Variants in LPA observed in about 807,000 individuals in gnomAD.
The protein encoded by LPA is lipoprotein(a).
In LPA, 199 loss-of-function variants were observed where a neutral mutation model predicts 197.9. The ratio of observed to expected loss-of-function variants is 1.01; its 90% CI spans 0.90 to 1.13. The LOEUF is 1.13. Ranked by LOEUF, LPA falls within the 50% of genes most tolerant of loss-of-function variation. The probability of loss-of-function intolerance (pLI) is 0.00; values close to 1 mark genes in which losing one functional copy is unlikely to be tolerated. For synonymous variants in LPA, 715 were observed against 639.5 expected, an observed-to-expected ratio of 1.12 and a Z score of -1.78; for missense variants, 1,853 against 1,785.8, an observed-to-expected ratio of 1.04 and a Z score of -0.68.
At chr6:160,659,227 G>A (rs1780181801) in intron 1 of LPA, among the ~76,000 whole-genome samples, 1 of 152,192 alleles carries the variant, frequency 6.6e-6, no homozygotes, top group Non-Finnish European at 1.5e-5. Flanking sequence ...AGCAGGGGCA[G>A]GGGCCTCAGG....
chr6:160,611,527 C>T (rs777587946), intron 16 of LPA, 35 bp downstream of exon 16: 3 of 1,606,688 alleles, frequency 1.9e-6, no homozygotes, highest in African/African-American at 2.7e-5. Flanking sequence ...TTCAGTTGGC[C>T]CTTTATTCTC....
chr6:160,610,045 A>G (rs1779456522), intron 16 of LPA, among the ~76,000 whole-genome samples: 1 of 152,116 alleles, frequency 6.6e-6, no homozygotes, highest in African/African-American at 2.4e-5. Context: ...TTTTTTAAAT[A>G]TCTGAAATCA....
intron 26 of LPA, among the ~76,000 whole-genome samples, chr6:160,581,575 T>C (rs1778802494): frequency 6.6e-6 from 1 of 152,196 alleles, no homozygotes; most frequent in Non-Finnish European, 1.5e-5. Flanking sequence ...GTGTTAGGAT[T>C]ACAGCCAAGC....
At chr6:160,545,026 G>A (rs991994616) in intron 33 of LPA, among the ~76,000 whole-genome samples, 3 of 152,152 alleles carry the variant, frequency 2.0e-5, no homozygotes, top group African/African-American at 7.2e-5. Flanking sequence ...TGCATTACAT[G>A]CTTAGCTGTT....
intron 16 of LPA, among the ~76,000 whole-genome samples, chr6:160,608,594 T>C (rs1326179695): frequency 6.6e-6 from 1 of 152,162 alleles, no homozygotes; most frequent in Non-Finnish European, 1.5e-5. Context: ...TTTTTCTTTT[T>C]TTCGAAACGC....
rs755513978 is a variant in LPA, at chr6:160,557,561, C to T, written c.4642G>A (p.Glu1548Lys). Residue 1548 changes from glutamate to lysine, a missense_variant, in exon 29 of 39, where the codon GAG becomes AAG. Glu to Lys is a moderately conservative substitution (Grantham distance 56). Coordinates refer to ENST00000316300, the MANE Select transcript of LPA (RefSeq NM_005577.4). ...PENYPNAGLT[E>K]NYCRNPDSGK... Reference sequence around the variant, plus strand: ...GAATCTGGATTCCTGCAGTAGTTCTCGGTCAGGCCACTGCAAATTCCAAAA... The same window carrying T: ...GAATCTGGATTCCTGCAGTAGTTCTTGGTCAGGCCACTGCAAATTCCAAAA... 45 of 1,613,888 alleles carry T rather than the reference C, an allele frequency of 2.8e-5. No homozygotes were observed. The highest frequency in any genetic ancestry group is 1.6e-4 in the East Asian group (7 of 44,878).
chr6:160,553,452 GT>G (rs973796012), intron 30 of LPA, among the ~76,000 whole-genome samples: 2 of 152,020 alleles, frequency 1.3e-5, no homozygotes, highest in African/African-American at 2.4e-5. Context: ...ATTTTAAAGG[GT>G]TTTTTTGTTT....
chr6:160,610,436 G>A (rs967556074), intron 16 of LPA, among the ~76,000 whole-genome samples: 5 of 152,130 alleles, frequency 3.3e-5, no homozygotes, highest in African/African-American at 1.2e-4. Flanking sequence ...TGTTCCGTGA[G>A]CACTCTCTCA....
intron 1 of LPA, among the ~76,000 whole-genome samples, chr6:160,661,815 G>A (rs1367209): frequency 0.67 from 101,194 of 152,080 alleles, 34,438 homozygotes; most frequent in East Asian, 0.81. Context: ...GTTGTGCTTG[G>A]GTAAATTCTA....
In LPA at chr6:160,590,837, A is replaced by G. The variant is rs1583602100; in HGVS notation, c.3787+107T>C. The G allele has an allele frequency of 7.5e-6, 11 of 1,461,564 alleles. No homozygotes were observed. The East Asian group carries it at 2.3e-4, about 31-fold the overall frequency. The allele number at this position is 1,461,564 out of a possible 1,614,324, so 90.5% of individuals were successfully genotyped here. A position where few individuals can be genotyped will look rare whatever the true frequency, so the allele number is the denominator to read the frequency against. Reference sequence around the variant, plus strand: ...CTTCCCATTGGCTGACCCTGAGTCCACATTCAGATTCCCGTGCAGCATGGA... The same window carrying G: ...CTTCCCATTGGCTGACCCTGAGTCCGCATTCAGATTCCCGTGCAGCATGGA... On this transcript the variant is annotated intron_variant, in intron 23 of 38. Coordinates refer to ENST00000316300, the MANE Select transcript of LPA (RefSeq NM_005577.4).
intron 26 of LPA, among the ~76,000 whole-genome samples, chr6:160,584,589 C>T (rs1027656446): frequency 9.2e-5 from 14 of 152,084 alleles, no homozygotes; most frequent in African/African-American, 3.4e-4. Flanking sequence ...GTCTTGTCCT[C>T]CCAAAGTGTT....
Position 160,601,033 on chromosome 6 carries a change from T to C in LPA, c.3011A>G (p.Asp1004Gly). 1.2e-6 allele frequency: 2 copies of C among 1,614,124 alleles called. No individual in the cohort carries two copies. Among genetic ancestry groups the C allele is most frequent in the South Asian group, 2.2e-5 (2 of 91,086 alleles). The change falls in exon 19 of 39, where the codon GAT becomes GGT. Residue 1004 changes from aspartate (D) to glycine (G), a missense_variant. This residue lies in a region of LPA where 1,737 missense variants were observed against 1,504.4 expected (regional missense o/e 1.15). Transcript: ENST00000316300. ...PVAAPWCYTT[D>G]PSVRWEYCNL... The stretch of plus-strand genomic sequence containing the variant: ...GCAGTACTCCCACCTGACACTGGGA[T>C]CTGTTGTATAACACCAAGGGGCTGC...
rs371373937 is a variant in LPA, at chr6:160,611,518, T to C, written c.2603+44A>G. The stretch of plus-strand genomic sequence containing the variant: ...AAGCATGTCTCTTGTCACAGAAACT[T>C]CAGTTGGCCCTTTATTCTCTTATGG... On this transcript the variant is annotated intron_variant, in intron 16 of 38. Transcript: ENST00000316300. The C allele has an allele frequency of 1.4e-4, 221 of 1,605,022 alleles. 1 individual carries two copies. Among genetic ancestry groups the C allele is most frequent in the Non-Finnish European group, 1.8e-4 (209 of 1,178,166 alleles).
chr6:160,654,097 TAATATA>T (rs1780088009), intron 1 of LPA, among the ~76,000 whole-genome samples: 1 of 49,904 alleles, frequency 2.0e-5, no homozygotes, highest in Non-Finnish European at 3.7e-5. Flanking sequence ...ATATTATATA[TAATATA>T]ATATATTATA....
intron 30 of LPA, among the ~76,000 whole-genome samples, chr6:160,555,256 T>TATATC (rs1470511404): frequency 3.6e-4 from 46 of 129,476 alleles, no homozygotes; most frequent in Non-Finnish European, 5.9e-4. Context: ...TATATTATAT[T>TATATC]ATATTATATT....
intron 23 of LPA, among the ~76,000 whole-genome samples, chr6:160,590,182 T>A (rs1778998946): frequency 6.6e-6 from 1 of 152,176 alleles, no homozygotes; most frequent in Non-Finnish European, 1.5e-5. Context: ...TGGTCCTCCA[T>A]CTAGGACTTC....
chr6:160,648,194 AC>A (rs1562352044), intron 2 of LPA, among the ~76,000 whole-genome samples: 1 of 152,176 alleles, frequency 6.6e-6, no homozygotes, highest in African/African-American at 2.4e-5. Flanking sequence ...TGATGGGAAC[AC>A]ATTAGTCACT....
rs201297680 is a variant in LPA at position 160,591,049 on chromosome 6, A to T, written c.3682T>A (p.Cys1228Ser). 8.9e-5 allele frequency: 144 copies of T among 1,613,828 alleles called. No homozygotes were observed. Among genetic ancestry groups the T allele is most frequent in the Non-Finnish European group, 1.2e-4 (141 of 1,179,916 alleles). Residue 1228 changes from cysteine (C) to serine (S), a missense_variant, in exon 23 of 39, where the codon TGT (cysteine) becomes AGT (serine). Around this residue, in one of 3 missense-constraint regions of LPA, gnomAD observed 1,737 missense variants for 1,504.4 expected, o/e 1.15. Coordinates refer to ENST00000316300, the MANE Select transcript of LPA (RefSeq NM_005577.4). ...RNPDAEISPW[C>S]YTMDPNVRWE... ...CTGACATTGGGATCCATGGTATAAC[A>T]CCAAGGACTAATCTCAGCATCTGGA...
At chr6:160,634,493 T>C (rs552478085) in intron 7 of LPA, among the ~76,000 whole-genome samples, 167 of 135,936 alleles carry the variant, frequency 1.2e-3, no homozygotes, top group African/African-American at 5.1e-3. Flanking sequence ...CCCTGCATCC[T>C]GAATTGCAGT....
Sources: allele counts gnomAD v4.1 joint callset (sites outside exome capture counted in the v4.1 genomes callset), GRCh38; gene constraint gnomAD v4.1.1; regional missense constraint gnomAD v4.1.1; transcripts MANE v1.5; gene names NCBI Gene and HGNC (gene_info 2026-07-23, HGNC 2026-07-21).